Variants in SEPTIN10 observed in about 807,000 individuals in gnomAD.
The protein encoded by SEPTIN10 is septin 10, also known as septin-10.
In SEPTIN10, 66 loss-of-function variants were observed where a neutral mutation model predicts 54.8. The ratio of observed to expected loss-of-function variants is 1.21; its 90% CI spans 0.99 to 1.48. The LOEUF is 1.48. Ranked by LOEUF, SEPTIN10 falls within the 40% of genes most tolerant of loss-of-function variation. The pLI is 0.00. For synonymous variants in SEPTIN10, 161 were observed against 181.0 expected (o/e 0.89, Z 0.89); for missense variants, 620 against 545.6 (o/e 1.14, Z -1.36).
chr2:109,569,436 T>C (rs1025540487), intron 5 of SEPTIN10, among the ~76,000 whole-genome samples: 1 of 118,558 alleles, frequency 8.4e-6, no homozygotes, highest in African/African-American at 3.4e-5. Context: ...AAAACTCTTG[T>C]TAAAAAAAAA....
At chr2:109,545,953 G>A in intron 10 of SEPTIN10, 97 bp downstream of exon 10, 2 of 1,476,544 alleles carry the variant, frequency 1.4e-6, no homozygotes, top group South Asian at 1.4e-5. Flanking sequence ...GGAAGACAAA[G>A]CATAAGGAAG....
chr2:109,551,628 C>T (rs945851924), intron 9 of SEPTIN10, among the ~76,000 whole-genome samples: 30 of 152,324 alleles, frequency 2.0e-4, no homozygotes, highest in Non-Finnish European at 3.8e-4. Context: ...TATACTTTCA[C>T]TTTTCTGTTG....
intron 1 of SEPTIN10, among the ~76,000 whole-genome samples, chr2:109,611,858 C>T (rs924459364): frequency 6.6e-6 from 1 of 152,160 alleles, no homozygotes; most frequent in Non-Finnish European, 1.5e-5. Flanking sequence ...TGTGCAGAAA[C>T]TGGACCTCTC....
rs77672129 is a variant in SEPTIN10 at position 109,571,398 on chromosome 2, C to A, written c.600+3183G>T. Among the ~76,000 whole-genome samples the A allele has an allele frequency of 9.5e-3, 1,442 of 152,264 alleles. 63 individuals carry two copies. The East Asian group carries it at 0.13, about 13-fold the overall frequency. On this transcript the variant is annotated intron_variant, in intron 5 of 10. Transcript: ENST00000397712. Reference sequence around the variant, plus strand: ...AACCTGGATGTTATAGCCTATGACACACCTAGGCTGTATGGTATGGCTCAT... The same window carrying A: ...AACCTGGATGTTATAGCCTATGACAAACCTAGGCTGTATGGTATGGCTCAT...
At chr2:109,601,976 G>C (rs1414477579) in intron 1 of SEPTIN10, among the ~76,000 whole-genome samples, 1 of 152,130 alleles carries the variant, frequency 6.6e-6, no homozygotes, top group South Asian at 2.1e-4. Context: ...GAAAAACCAG[G>C]ACCCATGAAT....
chr2:109,595,345 G>GCA (rs1695085200), intron 1 of SEPTIN10, among the ~76,000 whole-genome samples: 1 of 152,186 alleles, frequency 6.6e-6, no homozygotes, highest in Admixed American at 6.5e-5. Context: ...ATGATACAAA[G>GCA]CACATCAGAG....
chr2:109,552,945 C>G, intron 9 of SEPTIN10, 142 bp downstream of exon 9: 2 of 949,870 alleles, frequency 2.1e-6, no homozygotes, highest in East Asian at 5.0e-5. Flanking sequence ...AGTCAATATT[C>G]AAATACTATG....
At chr2:109,584,547 A>T (rs1029049676) in intron 4 of SEPTIN10, among the ~76,000 whole-genome samples, 3 of 152,042 alleles carry the variant, frequency 2.0e-5, no homozygotes, top group African/African-American at 7.2e-5. Flanking sequence ...TTGCTTTACC[A>T]ATCCTTTTCC....
In SEPTIN10 at chr2:109,596,434, A is replaced by G. The variant is rs1465625540; in HGVS notation, c.31-3315T>C. ...AGATCAAGACCATCCTGGCTAACAC[A>G]GTGAAACCCCGTCTCTACTAAAAAT... On this transcript the variant is annotated intron_variant, in intron 1 of 10. Coordinates refer to ENST00000397712, the MANE Select transcript of SEPTIN10 (RefSeq NM_144710.5). 8.5e-5 allele frequency among the ~76,000 whole-genome samples: 13 copies of G among 152,100 alleles called. No individual in the cohort carries two copies. In the East Asian group the frequency reaches 2.5e-3, roughly 29 times the overall value.
At chr2:109,559,145 C>G (rs983302894) in intron 8 of SEPTIN10, among the ~76,000 whole-genome samples, 1 of 152,138 alleles carries the variant, frequency 6.6e-6, no homozygotes, top group African/African-American at 2.4e-5. Flanking sequence ...CTTGGCCTCC[C>G]AAAGTACTGA....
chr2:109,561,184 G>A (rs1685565394), intron 8 of SEPTIN10, among the ~76,000 whole-genome samples: 1 of 152,166 alleles, frequency 6.6e-6, no homozygotes, highest in Non-Finnish European at 1.5e-5. Context: ...CTGTACTGCA[G>A]TGAACTGATC....
At chr2:109,612,182 A>C (rs1699398928) in intron 1 of SEPTIN10, among the ~76,000 whole-genome samples, 1 of 152,038 alleles carries the variant, frequency 6.6e-6, no homozygotes, top group Non-Finnish European at 1.5e-5. Context: ...AACTTTGCTG[A>C]GTTGAAAAAA....
chr2:109,544,559 AG>A (rs1680695838), intron 10 of SEPTIN10: 1 of 983,790 alleles, frequency 1.0e-6, no homozygotes, highest in Non-Finnish European at 1.2e-6. Flanking sequence ...CAAGTGGAGC[AG>A]GGTGATAATT....
intron 4 of SEPTIN10, among the ~76,000 whole-genome samples, chr2:109,581,843 A>T (rs1210136229): frequency 1.3e-5 from 2 of 152,244 alleles, no homozygotes; most frequent in Non-Finnish European, 2.9e-5. Context: ...GGCAAGAGAC[A>T]GAAATAAAAG....
intron 5 of SEPTIN10, among the ~76,000 whole-genome samples, chr2:109,570,347 C>G (rs902941055): frequency 1.3e-5 from 2 of 152,128 alleles, no homozygotes; most frequent in Non-Finnish European, 2.9e-5. Flanking sequence ...TTGTAATGCT[C>G]ATTAATGTCT....
intron 10 of SEPTIN10, 111 bp from the exon 11 acceptor site, chr2:109,544,435 A>G: frequency 2.1e-6 from 3 of 1,419,774 alleles, no homozygotes; most frequent in Non-Finnish European, 2.7e-6. Context: ...GACTTTGAAA[A>G]AGAAAAGAAA....
intron 4 of SEPTIN10, among the ~76,000 whole-genome samples, chr2:109,579,529 G>A (rs1185365183): frequency 2.0e-5 from 3 of 151,814 alleles, no homozygotes; most frequent in East Asian, 2.0e-4. Context: ...GATTACAGGC[G>A]CCTGCCACCA....
intron 8 of SEPTIN10, among the ~76,000 whole-genome samples, chr2:109,555,772 G>T (rs776743733): frequency 1.3e-5 from 2 of 152,206 alleles, no homozygotes; most frequent in Non-Finnish European, 2.9e-5. Context: ...AACGGCTTAA[G>T]AAGCTTGGGG....
chr2:109,585,923 TATATC>T lies in SEPTIN10; in HGVS notation c.100-90_100-86del. 4.5e-6 allele frequency: 4 copies of T among 898,364 alleles called. 1 individual carries two copies. The South Asian group carries it at 6.2e-5, about 14-fold the overall frequency. 55.6% of individuals were successfully genotyped at this position (898,364 alleles called of 1,614,324 possible). On this transcript the variant is annotated intron_variant, in intron 2 of 10. Transcript: ENST00000397712. The stretch of plus-strand genomic sequence containing the variant: ...GATGTAGGCACACTTGAAGGACAAA[TATATC>T]AAATAAATGAAAATTTTTATAATCA...
Sources: allele counts gnomAD v4.1 joint callset (sites outside exome capture counted in the v4.1 genomes callset), GRCh38; gene constraint gnomAD v4.1.1; transcripts MANE v1.5; gene names NCBI Gene and HGNC (gene_info 2026-07-23, HGNC 2026-07-21).